Variants in PDE3A observed in about 807,000 individuals in gnomAD.
The protein encoded by PDE3A is cGMP-inhibited 3',5'-cyclic phosphodiesterase 3A.
PDE3A carries 43 observed loss-of-function variants against 98.3 expected under a neutral mutation model. The observed-to-expected ratio is 0.44, with a 90% confidence interval of 0.34 to 0.56. The LOEUF is 0.56. Among genes scored for constraint, PDE3A ranks in the 20% least tolerant of loss-of-function variants. PDE3A has a pLI of 0.01. For missense variants in PDE3A, 1,427 were observed against 1,440.7 expected, an observed-to-expected ratio of 0.99 and a Z score of 0.15; for synonymous variants, 663 against 567.9, an observed-to-expected ratio of 1.17 and a Z score of -2.38.
At chr12:20,639,158 C>G (rs1944589135) in intron 9 of PDE3A, among the ~76,000 whole-genome samples, 1 of 152,190 alleles carries the variant, frequency 6.6e-6, no homozygotes, top group African/African-American at 2.4e-5. Flanking sequence ...AGGTACCAAC[C>G]ACTCCCTTGA....
chr12:20,481,781 T>TTTTTTTTTG (rs1945631075), intron 1 of PDE3A, among the ~76,000 whole-genome samples: 1 of 142,440 alleles, frequency 7.0e-6, no homozygotes, highest in East Asian at 2.0e-4. Flanking sequence ...TTTTTTTTTT[T>TTTTTTTTTG]TTTTTGAGCA....
chr12:20,530,727 A>G (rs1946610126), intron 1 of PDE3A, among the ~76,000 whole-genome samples: 1 of 152,208 alleles, frequency 6.6e-6, no homozygotes, highest in Non-Finnish European at 1.5e-5. Context: ...ATTTAAAAAG[A>G]GACATGAACA....
At position 20,662,975 on chromosome 12, in the gene PDE3A, A is replaced by C. The variant is rs191666275; in HGVS notation, c.3184+8770A>C. ...GGCAGAAAAAACGATTTCACAGGCC[A>C]GGCCCCAGACCCTCTGCTGTGTGCA... On this transcript the variant is annotated intron_variant, in intron 15 of 15. Transcript: ENST00000359062. 3.9e-3 allele frequency among the ~76,000 whole-genome samples: 588 copies of C among 152,304 alleles called. 3 individuals are homozygous for C. The highest frequency in any genetic ancestry group is 0.016 in the East Asian group (83 of 5,160).
intron 10 of PDE3A, among the ~76,000 whole-genome samples, chr12:20,646,283 T>C (rs1440468743): frequency 6.6e-6 from 1 of 152,214 alleles, no homozygotes; most frequent in Non-Finnish European, 1.5e-5. Context: ...GCATAATAAA[T>C]GTTACAAGTA....
chr12:20,464,388 A>T (rs902668701), intron 1 of PDE3A, among the ~76,000 whole-genome samples: 2 of 152,170 alleles, frequency 1.3e-5, no homozygotes, highest in Non-Finnish European at 2.9e-5. Context: ...CACTTAGTAA[A>T]TCAATATTGG....
chr12:20,585,916 G>A (rs778286373), intron 2 of PDE3A, among the ~76,000 whole-genome samples: 21 of 152,104 alleles, frequency 1.4e-4, no homozygotes, highest in Non-Finnish European at 2.9e-4. Context: ...TAGACACTGC[G>A]GATACAAAGG....
At chr12:20,508,298 C>G (rs1392858372) in intron 1 of PDE3A, among the ~76,000 whole-genome samples, 2 of 151,908 alleles carry the variant, frequency 1.3e-5, no homozygotes, top group African/African-American at 2.4e-5. Flanking sequence ...ACCCCACCCC[C>G]CATAATACCA....
rs201021900 is a variant in PDE3A at position 20,635,017 on chromosome 12, G to C, written c.1962G>C (p.Ser654=). 1 of 1,613,708 alleles carries C rather than the reference G, an allele frequency of 6.2e-7. No homozygotes were observed. Among genetic ancestry groups the C allele is most frequent in the African/African-American group, 1.3e-5 (1 of 74,998 alleles). ...ECLREPLRKA[S]ACSTYAPETM... ...TGAGAGAGCCTCTGAGGAAAGCATC[G>C]GCTTGCAGCACCTATGCTCCTGAGA... Residue 654 remains serine (S), a synonymous_variant, in exon 8 of 16, where the codon TCG becomes TCC. Coordinates refer to ENST00000359062, the MANE Select transcript of PDE3A (RefSeq NM_000921.5).
At chr12:20,544,257 A>G (rs1193607830) in intron 1 of PDE3A, among the ~76,000 whole-genome samples, 2 of 151,114 alleles carry the variant, frequency 1.3e-5, no homozygotes, top group African/African-American at 2.4e-5. Flanking sequence ...GAATGAGTGG[A>G]TGGGTGAATA....
At chr12:20,612,147 A>G (rs1943872851) in intron 2 of PDE3A, among the ~76,000 whole-genome samples, 1 of 151,878 alleles carries the variant, frequency 6.6e-6, no homozygotes, top group Non-Finnish European at 1.5e-5. Context: ...ACCATTACTA[A>G]TGCTTGGTGT....
At position 20,552,090 on chromosome 12, in the gene PDE3A, C is replaced by T. The variant is rs1031169828; in HGVS notation, c.961-4570C>T. 4.3e-6 allele frequency: 7 copies of T among 1,612,768 alleles called. No individual in the cohort carries two copies. Among genetic ancestry groups the T allele is most frequent in the Non-Finnish European group, 5.1e-6 (6 of 1,179,896 alleles). On this transcript the variant is annotated intron_variant, in intron 1 of 15. Transcript: ENST00000359062. The surrounding 1 kb of genome is among the most constrained non-coding windows in gnomAD (Gnocchi z 5.1). ...CGGGTAGTGGTGGTCGAGAGCTTTC[C>T]GGCAACAAGAGGACCGCGGAACAGT... is the stretch of plus-strand genomic sequence containing the variant.
intron 15 of PDE3A, among the ~76,000 whole-genome samples, chr12:20,674,462 T>C (rs1160486905): frequency 2.6e-5 from 4 of 152,210 alleles, no homozygotes; most frequent in Non-Finnish European, 2.9e-5. Flanking sequence ...TGTTGAGGCA[T>C]GTTCCTTCCT....
At chr12:20,670,175 A>T (rs528599905) in intron 15 of PDE3A, among the ~76,000 whole-genome samples, 116 of 150,754 alleles carry the variant, frequency 7.7e-4, no homozygotes, top group African/African-American at 2.4e-3. Context: ...GCACCCAATA[A>T]AGGAGCACCA....
chr12:20,629,833 CAG>C lies in PDE3A; in HGVS notation c.1541-74_1541-73del, dbSNP rs1379320671. 3 of 1,117,702 alleles carry C rather than the reference CAG, an allele frequency of 2.7e-6. No individual in the cohort carries two copies. The African/African-American group carries it at 4.6e-5, about 17-fold the overall frequency. 69.2% of individuals were successfully genotyped at this position (1,117,702 alleles called of 1,614,324 possible). ...GGTTGTTACTGAGTTTGTAAGAGTC[CAG>C]GTGAAGTTCAACAGTTGCAATTTTG... On this transcript the variant is annotated intron_variant, in intron 5 of 15. Coordinates refer to ENST00000359062, the MANE Select transcript of PDE3A (RefSeq NM_000921.5).
At chr12:20,570,894 C>T (rs1942787759) in intron 2 of PDE3A, among the ~76,000 whole-genome samples, 1 of 152,130 alleles carries the variant, frequency 6.6e-6, no homozygotes, top group African/African-American at 2.4e-5. Flanking sequence ...GTTTTTAAAG[C>T]AGTCATTCCT....
intron 7 of PDE3A, 144 bp from the exon 8 acceptor site, chr12:20,634,758 A>G (rs1944460599): frequency 3.1e-6 from 2 of 643,784 alleles, no homozygotes; most frequent in African/African-American, 3.6e-5. Flanking sequence ...TCTCCACCCT[A>G]TGATCCTATG....
At chr12:20,430,718 G>T (rs1944680801) in intron 1 of PDE3A, among the ~76,000 whole-genome samples, 1 of 152,266 alleles carries the variant, frequency 6.6e-6, no homozygotes, top group Middle Eastern at 3.4e-3. Flanking sequence ...TCCCTGGTGT[G>T]TATAGAAGCA....
In PDE3A at chr12:20,654,220, C is replaced by T. The variant is rs1396612860; in HGVS notation, c.3184+15C>T. 2.5e-6 allele frequency: 4 copies of T among 1,612,466 alleles called. No individual in the cohort carries two copies. Among genetic ancestry groups the T allele is most frequent in the Non-Finnish European group, 3.4e-6 (4 of 1,178,944 alleles). ...TGAATCTCCAAGTAAGTTCTAAAAC[C>T]TAGTTCTAATGTGTTTTCCCTGGGA... On this transcript the variant is annotated intron_variant, in intron 15 of 15. Transcript: ENST00000359062.
At chr12:20,613,347 C>T in intron 2 of PDE3A, 96 bp from the exon 3 acceptor site, 1 of 1,108,330 alleles carries the variant, frequency 9.0e-7, no homozygotes, top group South Asian at 1.4e-5. Context: ...AAAGAATCAG[C>T]CCAATTCATT....
Sources: allele counts gnomAD v4.1 joint callset (sites outside exome capture counted in the v4.1 genomes callset), GRCh38; gene constraint gnomAD v4.1.1; non-coding constraint Gnocchi (gnomAD v3.1); transcripts MANE v1.5; gene names NCBI Gene and HGNC (gene_info 2026-07-23, HGNC 2026-07-21).